The following FANCL variants were observed in gnomAD, a reference collection of about 807,000 sequenced individuals.
FANCL encodes the protein FA complementation group L.
A neutral mutation model predicts 59.4 loss-of-function variants in FANCL; 69 were observed. The observed-to-expected ratio is 1.16, with a 90% confidence interval of 0.96 to 1.42. The LOEUF (loss-of-function observed/expected upper bound fraction) is 1.42, where lower values mean the gene tolerates loss of function less well. FANCL is among the 40% of genes most tolerant of loss of function. FANCL has a pLI of 0.00. For synonymous variants in FANCL, 180 were observed against 147.1 expected (o/e 1.22, Z -1.62); for missense variants, 519 against 447.2 (o/e 1.16, Z -1.45).
intron 7 of FANCL, among the ~76,000 whole-genome samples, chr2:58,187,545 C>G (rs1002572353): frequency 2.0e-5 from 3 of 151,292 alleles, no homozygotes; most frequent in Admixed American, 6.6e-5. Context: ...TGCACACGTA[C>G]CCTAAAACTT....
intron 8 of FANCL, among the ~76,000 whole-genome samples, chr2:58,165,298 C>G (rs976158312): frequency 6.6e-6 from 1 of 152,140 alleles, no homozygotes; most frequent in African/African-American, 2.4e-5. Context: ...TGGTCTACTG[C>G]AAGTTCTTTT....
At chr2:58,206,588 TATAAA>T (rs887754371) in intron 5 of FANCL, among the ~76,000 whole-genome samples, 9 of 152,300 alleles carry the variant, frequency 5.9e-5, no homozygotes, top group Admixed American at 5.9e-4. Flanking sequence ...TTTTAACATC[TATAAA>T]ATAACACAGA....
chr2:58,214,157 C>T (rs1691469283), intron 5 of FANCL, among the ~76,000 whole-genome samples: 1 of 152,118 alleles, frequency 6.6e-6, no homozygotes, highest in Non-Finnish European at 1.5e-5. Flanking sequence ...AAACAACAGT[C>T]CCAGTATGTA....
chr2:58,177,837 G>A (rs1354742767), intron 7 of FANCL, among the ~76,000 whole-genome samples: 4 of 149,388 alleles, frequency 2.7e-5, no homozygotes, highest in South Asian at 2.2e-4. Context: ...CAAATAGACC[G>A]CTAGCCAGAC....
intron 7 of FANCL, among the ~76,000 whole-genome samples, chr2:58,176,807 A>C (rs377127125): frequency 6.6e-6 from 1 of 151,918 alleles, no homozygotes; most frequent in South Asian, 2.1e-4. Flanking sequence ...AAGAGCTTCT[A>C]CACAGCAAAA....
At chr2:58,225,787 C>T (rs1254825664) in intron 4 of FANCL, among the ~76,000 whole-genome samples, 1 of 151,832 alleles carries the variant, frequency 6.6e-6, no homozygotes, top group African/African-American at 2.4e-5. Context: ...TATAGGACAC[C>T]TAATTTGTTT....
chr2:58,201,717 T>G (rs1178923455), intron 6 of FANCL, among the ~76,000 whole-genome samples: 1 of 151,948 alleles, frequency 6.6e-6, no homozygotes, highest in African/African-American at 2.4e-5. Context: ...ACCAAAAAAT[T>G]TATCTGGTTT....
Position 58,159,416 on chromosome 2 carries a change from C to T in FANCL, c.*349G>A. ...CCTTTGAATGAAGTAAACAGTTTCC[C>T]ACAAAAAATCAGCTATACACAATTC... On this transcript the variant is annotated 3_prime_UTR_variant, in exon 14 of 14. Coordinates refer to ENST00000233741, the MANE Select transcript of FANCL (RefSeq NM_018062.4). 6.2e-7 allele frequency: 1 copy of T among 1,613,376 alleles called. No homozygotes were observed. The highest frequency in any genetic ancestry group is 8.5e-7 in the Non-Finnish European group (1 of 1,179,646).
chr2:58,185,861 T>A (rs1688350478), intron 7 of FANCL, among the ~76,000 whole-genome samples: 1 of 152,186 alleles, frequency 6.6e-6, no homozygotes, highest in Admixed American at 6.6e-5. Context: ...GTAGTTTGGC[T>A]TGTACAGTGT....
chr2:58,179,273 CAAGA>C (rs1687680844), intron 7 of FANCL, among the ~76,000 whole-genome samples: 1 of 152,102 alleles, frequency 6.6e-6, no homozygotes, highest in Non-Finnish European at 1.5e-5. Flanking sequence ...CCCATATAGC[CAAGA>C]CAATCCTAAG....
At chr2:58,221,834 A>C (rs1041165107) in intron 5 of FANCL, 108 bp downstream of exon 5, 4 of 755,144 alleles carry the variant, frequency 5.3e-6, no homozygotes, top group Non-Finnish European at 9.1e-6. Context: ...CTCTAGTTAC[A>C]ATTAAACACT....
At chr2:58,160,296 T>A in intron 12 of FANCL, 117 bp from the exon 13 acceptor site, 1 of 1,086,384 alleles carries the variant, frequency 9.2e-7, no homozygotes, top group Non-Finnish European at 1.4e-6. Flanking sequence ...AGACTTAGCT[T>A]AATTTTGTTT....
chr2:58,159,843 T>C (rs1558726237), intron 13 of FANCL, 43 bp from the exon 14 acceptor site: 4 of 1,607,794 alleles, frequency 2.5e-6, no homozygotes, highest in East Asian at 2.2e-5. Context: ...GTGGACACTC[T>C]AAAAAATAAA....
Position 58,232,407 on chromosome 2 carries a change from T to C in FANCL, c.97-295A>G, listed in dbSNP as rs1693670777. Reference sequence around the variant, plus strand: ...AACACAAGAAATATTACAAAATTGCTAACCAGGCCCATAGAAGAAATTTCA... The same window carrying C: ...AACACAAGAAATATTACAAAATTGCCAACCAGGCCCATAGAAGAAATTTCA... On this transcript the variant is annotated intron_variant, in intron 1 of 13. Transcript: ENST00000233741. Among the ~76,000 whole-genome samples the C allele has an allele frequency of 2.0e-5, 3 of 152,004 alleles. No homozygotes were observed. In the East Asian group the frequency reaches 5.8e-4, roughly 29 times the overall value.
chr2:58,219,367 G>GA (rs1271508059), intron 5 of FANCL, among the ~76,000 whole-genome samples: 5 of 150,850 alleles, frequency 3.3e-5, no homozygotes, highest in South Asian at 2.1e-4. Flanking sequence ...ATAAATGACT[G>GA]AAAAAACAAA....
At chr2:58,185,843 A>G (rs1688349105) in intron 7 of FANCL, among the ~76,000 whole-genome samples, 1 of 152,196 alleles carries the variant, frequency 6.6e-6, no homozygotes, top group African/African-American at 2.4e-5. Flanking sequence ...ATTTTAGTCA[A>G]GGAGTCAGTA....
At position 58,163,431 on chromosome 2, in the gene FANCL, T is replaced by A. The variant is rs975755966; in HGVS notation, c.775+3A>T. 16 of 1,599,848 alleles carry A rather than the reference T, an allele frequency of 1.0e-5. No homozygotes were observed. The highest frequency in any genetic ancestry group is 2.7e-5 in the African/African-American group (2 of 74,576). ...AAAAACGTTTAAATCTCAGATGTCATACCATGGTCAGCTCCAAGAAAGAAG... is the reference window on the plus strand; with the variant it reads ...AAAAACGTTTAAATCTCAGATGTCAAACCATGGTCAGCTCCAAGAAAGAAG... On this transcript the variant is annotated splice_donor_region_variant and intron_variant, in intron 9 of 13. Coordinates refer to ENST00000233741, the MANE Select transcript of FANCL (RefSeq NM_018062.4).
chr2:58,170,589 G>A (rs1686481461), intron 7 of FANCL, among the ~76,000 whole-genome samples: 2 of 151,564 alleles, frequency 1.3e-5, no homozygotes, highest in South Asian at 4.2e-4. Context: ...GATAAACAGT[G>A]AAGACCCACT....
At chr2:58,168,995 T>G (rs1173250287) in intron 7 of FANCL, among the ~76,000 whole-genome samples, 1 of 151,912 alleles carries the variant, frequency 6.6e-6, no homozygotes, top group Non-Finnish European at 1.5e-5. Context: ...ACAGAGCACG[T>G]GGGGAAAGGG....
Sources: gnomAD v4.1 joint callset for allele counts (sites outside exome capture counted in the v4.1 genomes callset) on GRCh38, gnomAD v4.1.1 for gene constraint, MANE v1.5 for transcripts, NCBI Gene and HGNC (gene_info 2026-07-23, HGNC 2026-07-21) for gene names.